STX2: variants seen among roughly 807,000 people sequenced by gnomAD.
STX2 encodes the protein syntaxin-2.
A neutral mutation model predicts 40.6 loss-of-function variants in STX2; 27 were observed. That is an observed-to-expected ratio of 0.66 (90% CI 0.49 to 0.92). The LOEUF (loss-of-function observed/expected upper bound fraction) is 0.92. STX2 is among the 40% of genes least tolerant of loss of function. STX2 has a pLI of 0.00. For synonymous variants in STX2, 123 were observed against 119.1 expected (o/e 1.03, Z -0.22); for missense variants, 328 against 366.1 (o/e 0.90, Z 0.85).
intron 3 of STX2, 24 bp from the exon 4 acceptor site, chr12:130,813,055 A>T: frequency 7.3e-7 from 1 of 1,362,034 alleles, no homozygotes; most frequent in East Asian, 2.6e-5. Context: ...AAATTAAAAA[A>T]TAAAATACAG....
Position 130,796,003 on chromosome 12 carries a change from T to G in STX2, c.*37A>C. On this transcript the variant is annotated 3_prime_UTR_variant, in exon 10 of 11. Coordinates refer to ENST00000392373, the MANE Select transcript of STX2 (RefSeq NM_194356.4). Reference sequence around the variant, plus strand: ...GTTGATGAGTTACTTACTCCCACCCTGGCAGAGAGGCATGCACACTGACGT... The same window carrying G: ...GTTGATGAGTTACTTACTCCCACCCGGGCAGAGAGGCATGCACACTGACGT... 6.2e-7 allele frequency: 1 copy of G among 1,608,288 alleles called. No homozygotes were observed. The highest frequency in any genetic ancestry group is 8.5e-7 in the Non-Finnish European group (1 of 1,177,982).
At chr12:130,835,710 G>C (rs765258388) in intron 1 of STX2, among the ~76,000 whole-genome samples, 1 of 152,148 alleles carries the variant, frequency 6.6e-6, no homozygotes, top group Non-Finnish European at 1.5e-5. Flanking sequence ...CTAGAGGCCT[G>C]ACATTCAAGT....
intron 2 of STX2, among the ~76,000 whole-genome samples, chr12:130,826,050 C>T (rs1006533742): frequency 6.6e-6 from 1 of 152,234 alleles, no homozygotes; most frequent in African/African-American, 2.4e-5. Context: ...CAGATAGGAT[C>T]CCAGCACCGC....
At chr12:130,818,418 C>G (rs1443186576) in intron 3 of STX2, among the ~76,000 whole-genome samples, 2 of 151,632 alleles carry the variant, frequency 1.3e-5, no homozygotes, top group African/African-American at 4.9e-5. Flanking sequence ...ATCACAACAG[C>G]ACTGGAAGGC....
At chr12:130,807,295 A>G (rs1355971997) in intron 5 of STX2, among the ~76,000 whole-genome samples, 2 of 152,230 alleles carry the variant, frequency 1.3e-5, no homozygotes, top group Non-Finnish European at 2.9e-5. Flanking sequence ...GACCCCTACT[A>G]TGCCGGTCAC....
chr12:130,836,736 C>G (rs578078847), intron 1 of STX2, among the ~76,000 whole-genome samples: 1 of 152,172 alleles, frequency 6.6e-6, no homozygotes. Flanking sequence ...AAGAGAGATA[C>G]CACTGTCCCC....
chr12:130,821,731 TCTTTA>T lies in STX2; in HGVS notation c.158_162del (p.Val53GlufsTer21). ...GCAGAAAGAATGATGCTGTGGTTTT[TCTTTA>T]CTTCTTCAACATATTGAGTTATTTT... On this transcript the variant is annotated frameshift_variant, in exon 3 of 11. Transcript: ENST00000392373. LOFTEE classifies it high-confidence loss of function. 1 of 1,613,934 alleles carries T rather than the reference TCTTTA, an allele frequency of 6.2e-7. No individual in the cohort carries two copies. The highest frequency in any genetic ancestry group is 8.5e-7 in the Non-Finnish European group (1 of 1,179,770).
At chr12:130,817,584 G>A (rs1403651235) in intron 3 of STX2, among the ~76,000 whole-genome samples, 3 of 151,976 alleles carry the variant, frequency 2.0e-5, no homozygotes, top group South Asian at 2.1e-4. Flanking sequence ...GCCAGAAAAC[G>A]TCAGTCCAAA....
chr12:130,839,224 T>A lies in STX2; in HGVS notation c.-125A>T, dbSNP rs1240041817. The A allele has an allele frequency of 1.2e-6, 1 of 862,522 alleles. No individual in the cohort carries two copies. The highest frequency in any genetic ancestry group is 1.4e-6 in the Non-Finnish European group (1 of 703,514). The allele number at this position is 862,522 out of a possible 1,614,324, so 53.4% of individuals were successfully genotyped here. A position where few individuals can be genotyped will look rare whatever the true frequency, so the allele number is the denominator to read the frequency against. On this transcript the variant is annotated 5_prime_UTR_variant, in exon 1 of 11. Coordinates refer to ENST00000392373, the MANE Select transcript of STX2 (RefSeq NM_194356.4). ...CCGGCCCGGCGCCAGCAGCCCTCCC[T>A]GGAGCCGGCGCTGCCACGGCAACCG...
chr12:130,827,411 C>A, intron 1 of STX2, 144 bp from the exon 2 acceptor site: 2 of 627,042 alleles, frequency 3.2e-6, no homozygotes, highest in Non-Finnish European at 5.7e-6. Context: ...CCACCACTAT[C>A]TACTCCAACT....
chr12:130,818,667 TGGAGAC>T (rs1951987768), intron 3 of STX2, among the ~76,000 whole-genome samples: 1 of 151,110 alleles, frequency 6.6e-6, no homozygotes, highest in Admixed American at 6.6e-5. Context: ...ATGGAGACGA[TGGAGAC>T]GGTGCAGACG....
chr12:130,798,326 C>A, intron 9 of STX2, 199 bp downstream of exon 9: 2 of 392,868 alleles, frequency 5.1e-6, no homozygotes, highest in South Asian at 4.8e-5. Context: ...TTACTTAGAA[C>A]ACAAAAGATG....
At chr12:130,802,347 G>A (rs369730891) in intron 6 of STX2, among the ~76,000 whole-genome samples, 4 of 152,236 alleles carry the variant, frequency 2.6e-5, no homozygotes, top group African/African-American at 9.6e-5. Flanking sequence ...ACACGCGTGC[G>A]TCACCACGCC....
chr12:130,818,182 AAAAATATATATATAT>A (rs1565924406), intron 3 of STX2, among the ~76,000 whole-genome samples: 3 of 37,364 alleles, frequency 8.0e-5, no homozygotes, highest in East Asian at 1.1e-3. Flanking sequence ...AAAAAAAAAA[AAAAATATATATATAT>A]ATATATATAT....
intron 3 of STX2, among the ~76,000 whole-genome samples, chr12:130,815,975 T>G (rs1042728406): frequency 6.6e-6 from 1 of 152,110 alleles, no homozygotes; most frequent in Non-Finnish European, 1.5e-5. Flanking sequence ...AAATGGGGCA[T>G]TTGACAGGAA....
intron 1 of STX2, among the ~76,000 whole-genome samples, chr12:130,838,121 G>C (rs924426030): frequency 6.6e-6 from 1 of 152,172 alleles, no homozygotes; most frequent in Admixed American, 6.5e-5. Flanking sequence ...CCCCTGTTCT[G>C]AGGCTGCCAA....
chr12:130,837,657 G>A (rs904625246), intron 1 of STX2, among the ~76,000 whole-genome samples: 2 of 152,138 alleles, frequency 1.3e-5, no homozygotes, highest in Non-Finnish European at 2.9e-5. Context: ...CAATACCTGG[G>A]CTCAAGTGAT....
At chr12:130,795,422 A>G (rs575961414) in intron 10 of STX2, among the ~76,000 whole-genome samples, 2 of 152,208 alleles carry the variant, frequency 1.3e-5, no homozygotes, top group East Asian at 3.8e-4. Flanking sequence ...GATCCACTAC[A>G]TGTAAAGAGC....
Position 130,821,769 on chromosome 12 carries a change from C to G in STX2, c.125G>C (p.Ser42Thr), listed in dbSNP as rs17564. ...FFHQVEEIRN[S>T]IDKITQYVEE... ...AACATATTGAGTTATTTTATCAATACTGTTTCTAATCTCCTCCACCTAGGA... is the reference window on the plus strand; with the variant it reads ...AACATATTGAGTTATTTTATCAATAGTGTTTCTAATCTCCTCCACCTAGGA... Residue 42 changes from serine (S) to threonine (T), a missense_variant, in exon 3 of 11, where the codon AGT (serine) becomes ACT (threonine). Transcript: ENST00000392373. 0.65 allele frequency: 1,049,596 copies of G among 1,608,374 alleles called. 350,693 individuals carry two copies. Among genetic ancestry groups the G allele is most frequent in the East Asian group, 0.88 (39,419 of 44,846 alleles).
Sources: allele counts gnomAD v4.1 joint callset (sites outside exome capture counted in the v4.1 genomes callset), GRCh38; gene constraint gnomAD v4.1.1; transcripts MANE v1.5; gene names NCBI Gene and HGNC (gene_info 2026-07-23, HGNC 2026-07-21).